NTM: variants seen among roughly 807,000 people sequenced by gnomAD.
NTM encodes the protein IgLON family member 2.
Under a neutral mutation model 42.1 loss-of-function variants are expected in NTM, and 13 were observed. The observed-to-expected ratio is 0.31, with a 90% CI of 0.20 to 0.49. NTM has a LOEUF of 0.49. Among genes scored for constraint, NTM ranks in the 20% least tolerant of loss-of-function variants. The pLI is 0.99. For synonymous variants in NTM, 187 were observed against 179.2 expected, an observed-to-expected ratio of 1.04 and a Z score of -0.35; for missense variants, 373 against 452.8, an observed-to-expected ratio of 0.82 and a Z score of 1.60.
intron 1 of NTM, among the ~76,000 whole-genome samples, chr11:131,862,566 T>G (rs189083696): frequency 6.6e-6 from 1 of 152,232 alleles, no homozygotes. Flanking sequence ...TTTTGTTTGA[T>G]GGTAAGGTTA....
chr11:132,275,366 A>G (rs1027661015), intron 4 of NTM, among the ~76,000 whole-genome samples: 4 of 152,066 alleles, frequency 2.6e-5, no homozygotes, highest in Non-Finnish European at 4.4e-5. Flanking sequence ...GGTATTTGGG[A>G]ACTAACTATT....
intron 3 of NTM, among the ~76,000 whole-genome samples, chr11:132,209,244 A>G (rs1456818750): frequency 6.6e-6 from 1 of 152,260 alleles, no homozygotes; most frequent in Non-Finnish European, 1.5e-5. Context: ...GGAAGGCTCC[A>G]TGTAGCTTTT....
chr11:131,611,344 A>G (rs1234529752), intron 1 of NTM, among the ~76,000 whole-genome samples: 1 of 152,184 alleles, frequency 6.6e-6, no homozygotes. Context: ...GCTTCAAATA[A>G]CACCTTGGAT....
At chr11:131,712,150 T>TA (rs961666350) in intron 1 of NTM, among the ~76,000 whole-genome samples, 11 of 107,714 alleles carry the variant, frequency 1.0e-4, no homozygotes, top group African/African-American at 3.5e-4. Context: ...AAATAAAAAA[T>TA]AAAAAAATAA....
chr11:131,733,469 TC>T, intron 1 of NTM, among the ~76,000 whole-genome samples: 1 of 104,928 alleles, frequency 9.5e-6, no homozygotes, highest in Non-Finnish European at 1.9e-5. Context: ...CTTCTTTCCT[TC>T]CTTCCTTCCT....
At chr11:132,049,195 C>T (rs140989056) in intron 2 of NTM, among the ~76,000 whole-genome samples, 247 of 152,198 alleles carry the variant, frequency 1.6e-3, no homozygotes, top group African/African-American at 5.5e-3. Flanking sequence ...AAAAGTGAGA[C>T]GGATAGAGCA....
chr11:131,474,849 T>G (rs1327365454), intron 1 of NTM, among the ~76,000 whole-genome samples: 2 of 152,192 alleles, frequency 1.3e-5, no homozygotes, highest in Non-Finnish European at 1.5e-5. Flanking sequence ...AAGCAATGTT[T>G]CCAAAATGTG....
chr11:131,486,301 G>A (rs1954166930), intron 1 of NTM, among the ~76,000 whole-genome samples: 2 of 152,144 alleles, frequency 1.3e-5, no homozygotes, highest in African/African-American at 4.8e-5. Flanking sequence ...TACCAGAAAG[G>A]CACTGAAGTC....
At chr11:132,193,873 G>A (rs2079717863) in intron 3 of NTM, among the ~76,000 whole-genome samples, 1 of 151,990 alleles carries the variant, frequency 6.6e-6, no homozygotes, top group African/African-American at 2.4e-5. Context: ...TAGAAGAAAT[G>A]GATAAATTTC....
intron 2 of NTM, among the ~76,000 whole-genome samples, chr11:132,117,296 T>C (rs2064044479): frequency 1.3e-5 from 2 of 152,244 alleles, no homozygotes; most frequent in Admixed American, 6.5e-5. Flanking sequence ...GTTTCTTCTC[T>C]AGTTGATTGA....
At chr11:132,252,813 G>C (rs75688884) in intron 4 of NTM, among the ~76,000 whole-genome samples, 1 of 152,130 alleles carries the variant, frequency 6.6e-6, no homozygotes, top group African/African-American at 2.4e-5. Context: ...GGGTATTTAC[G>C]TAGGGAGGAA....
intron 4 of NTM, among the ~76,000 whole-genome samples, chr11:132,243,635 T>C (rs1169976224): frequency 6.6e-6 from 1 of 152,168 alleles, no homozygotes; most frequent in Non-Finnish European, 1.5e-5. Flanking sequence ...TGGTATTTGT[T>C]TCCTTTGCTG....
chr11:131,624,460 G>A (rs1311637909), intron 1 of NTM, among the ~76,000 whole-genome samples: 2 of 152,080 alleles, frequency 1.3e-5, no homozygotes, highest in African/African-American at 2.4e-5. Context: ...CTAAGCAAGT[G>A]TCTGTGGCCT....
chr11:132,052,566 C>G (rs2079003140), intron 2 of NTM, among the ~76,000 whole-genome samples: 1 of 152,174 alleles, frequency 6.6e-6, no homozygotes, highest in African/African-American at 2.4e-5. Context: ...TAGATAATAA[C>G]ATTTTCCGGC....
chr11:132,149,096 A>G (rs2071258808), intron 3 of NTM, among the ~76,000 whole-genome samples: 1 of 152,138 alleles, frequency 6.6e-6, no homozygotes, highest in Non-Finnish European at 1.5e-5. Context: ...AGTATTATCG[A>G]CACTTTAATG....
At chr11:131,836,013 T>C (rs1435787757) in intron 1 of NTM, among the ~76,000 whole-genome samples, 20 of 152,096 alleles carry the variant, frequency 1.3e-4, no homozygotes, top group Non-Finnish European at 1.5e-5. Flanking sequence ...AAAACTGATA[T>C]AGTCATGAAA....
At chr11:132,285,532 C>A (rs949109065) in intron 4 of NTM, among the ~76,000 whole-genome samples, 2 of 152,210 alleles carry the variant, frequency 1.3e-5, no homozygotes, top group African/African-American at 4.8e-5. Context: ...ACACTCCCTG[C>A]TGTTCAGGAG....
rs968580592 is a variant in NTM, at chr11:132,120,070, C to A, written c.168-26212C>A. Among the ~76,000 whole-genome samples, 169 of 152,286 alleles carry A rather than the reference C, an allele frequency of 1.1e-3. 1 individual carries two copies. Among genetic ancestry groups the A allele is most frequent in the African/African-American group, 3.8e-3 (160 of 41,562 alleles). ...CGCGAATCAGGACCCCCGTCTGAGCCCCCCGCTTGCCTTCCCTCCCAGTCA... is the reference window on the plus strand; with the variant it reads ...CGCGAATCAGGACCCCCGTCTGAGCACCCCGCTTGCCTTCCCTCCCAGTCA... On this transcript the variant is annotated intron_variant, in intron 2 of 8. Transcript: ENST00000683400.
chr11:132,335,219 C>A lies in NTM; in HGVS notation c.*73C>A. 3 of 1,506,100 alleles carry A rather than the reference C, an allele frequency of 2.0e-6. No homozygotes were observed. Among genetic ancestry groups the A allele is most frequent in the South Asian group, 1.2e-5 (1 of 86,936 alleles). The allele number at this position is 1,506,100 out of a possible 1,614,324, so 93.3% of individuals were successfully genotyped here. A position where few individuals can be genotyped will look rare whatever the true frequency, so the allele number is the denominator to read the frequency against. ...ACCAACACAACAGCAATGGCAACAC[C>A]GACAGCAACCAATCAGATATATACA... On this transcript the variant is annotated 3_prime_UTR_variant, in exon 9 of 9. Transcript: ENST00000683400.
Sources: gnomAD v4.1 joint callset for allele counts (sites outside exome capture counted in the v4.1 genomes callset) on GRCh38, gnomAD v4.1.1 for gene constraint, MANE v1.5 for transcripts, NCBI Gene and HGNC (gene_info 2026-07-23, HGNC 2026-07-21) for gene names.